PLXNA3: variants seen among roughly 807,000 people sequenced by gnomAD.
PLXNA3 encodes plexin-A3.
In PLXNA3, 52 loss-of-function variants were observed where a neutral mutation model predicts 118.8. The observed-to-expected ratio is 0.44, with a 90% confidence interval of 0.35 to 0.55. PLXNA3 has a LOEUF of 0.55. Ranked by LOEUF, PLXNA3 falls within the 20% of genes least tolerant of loss-of-function variation. The probability of loss-of-function intolerance (pLI) is 0.01; values close to 1 mark genes in which losing one functional copy is unlikely to be tolerated. For missense variants in PLXNA3, 1,660 were observed against 1,730.8 expected (o/e 0.96, Z 0.73); for synonymous variants, 925 against 762.4 (o/e 1.21, Z -3.51).
Position 154,460,431 on chromosome X carries a change from T to G in PLXNA3, c.248T>G (p.Met83Arg). 8.3e-7 allele frequency: 1 copy of G among 1,201,068 alleles called. No homozygotes were observed. Among genetic ancestry groups the G allele is most frequent in the Non-Finnish European group, 1.1e-6 (1 of 888,773 alleles). The change falls in exon 2 of 33, where the codon ATG becomes AGG. Residue 83 changes from methionine to arginine, a missense_variant. By Grantham distance (91) the Met-to-Arg change is moderately conservative (BLOSUM62 -1). This residue lies in a region of PLXNA3 where 791 missense variants were observed against 652.1 expected (regional missense o/e 1.21). Coordinates refer to ENST00000369682, the MANE Select transcript of PLXNA3 (RefSeq NM_017514.5). ...GCTCGCTGCTACCCGCCCCCCAGCA[T>G]GCGCGTGTGTGCCCACCGCCTGGCC... ...DNARCYPPPS[M>R]RVCAHRLAPV...
chrX:154,460,114 T>C, intron 1 of PLXNA3, 43 bp from the exon 2 acceptor site: 1 of 744,880 alleles, frequency 1.3e-6, no homozygotes, highest in East Asian at 3.2e-5. Flanking sequence ...CCCAGCCCTC[T>C]GTGGCTCGAG....
rs1557204266 is a variant in PLXNA3, at chrX:154,461,336, T to C, written c.832T>C (p.Phe278Leu). 7 of 1,211,593 alleles carry C rather than the reference T, an allele frequency of 5.8e-6. No individual in the cohort carries two copies. Among genetic ancestry groups the C allele is most frequent in the Non-Finnish European group, 7.8e-6 (7 of 895,467 alleles). The change falls in exon 3 of 33, where the codon TTC becomes CTC. Residue 278 changes from phenylalanine to leucine, a missense_variant. This residue lies in a region of PLXNA3 where 791 missense variants were observed against 652.1 expected (regional missense o/e 1.21). Coordinates refer to ENST00000369682, the MANE Select transcript of PLXNA3 (RefSeq NM_017514.5). The stretch of plus-strand genomic sequence containing the variant: ...CTCAGAGTTCTACTCATACGTGGAA[T>C]TCCCCATCGGCTGCTCCTGGCGCGG... ...GDSEFYSYVE[F>L]PIGCSWRGVE...
rs374238497 is a variant in PLXNA3, at chrX:154,468,074, C to A, written c.3821-8C>A. ...CCTGCCCACTCATTCCCTCTCTCCA[C>A]CCCCCAGCTTTTGCAGAGCTGCAGA... is the stretch of plus-strand genomic sequence containing the variant. On this transcript the variant is annotated splice_region_variant and splice_polypyrimidine_tract_variant and intron_variant, in intron 21 of 32. Coordinates refer to ENST00000369682, the MANE Select transcript of PLXNA3 (RefSeq NM_017514.5). The A allele has an allele frequency of 1.7e-6, 2 of 1,190,800 alleles. No homozygotes were observed. The highest frequency in any genetic ancestry group is 6.0e-5 in the East Asian group (2 of 33,584).
Position 154,472,815 on chromosome X carries a change from C to T in PLXNA3, c.*130C>T. 1 of 489,416 alleles carries T rather than the reference C, an allele frequency of 2.0e-6. No individual in the cohort carries two copies. Among genetic ancestry groups the T allele is most frequent in the Non-Finnish European group, 3.7e-6 (1 of 271,275 alleles). The allele number at this position is 489,416 out of a possible 1,213,427, so 40.3% of individuals were successfully genotyped here. A position where few individuals can be genotyped will look rare whatever the true frequency, so the allele number is the denominator to read the frequency against. On this transcript the variant is annotated 3_prime_UTR_variant, in exon 33 of 33. Coordinates refer to ENST00000369682, the MANE Select transcript of PLXNA3 (RefSeq NM_017514.5). ...GTATCGTGGGGCAGGTCACCCTGGC[C>T]ACGATGCCCCCGGCACACCCAGGCC...
chrX:154,461,263 G>A lies in PLXNA3; in HGVS notation c.759G>A (p.Ala253=), dbSNP rs782248664. The A allele has an allele frequency of 1.9e-5, 23 of 1,211,699 alleles. No individual in the cohort carries two copies. The Middle Eastern group carries it at 2.1e-3, about 108-fold the overall frequency. The part of the protein sequence containing the change: ...LDTQQTLLDT[A]GEKFFTSKIV... ...CCCAGCAGACGCTGTTGGACACAGC[G>A]GGCGAGAAATTTTTCACGTCCAAGA... The change falls in exon 3 of 33, where the codon GCG becomes GCA. Residue 253 remains alanine, a synonymous_variant. Transcript: ENST00000369682.
Position 154,477,670 on chromosome X carries a change from C to A in PLXNA3, c.*4985C>A. Reference sequence around the variant, plus strand: ...CATTTCCTAAATTGTCTTCAATTTCCTTGTACTCCTTGAATATCTGAATTC... The same window carrying A: ...CATTTCCTAAATTGTCTTCAATTTCATTGTACTCCTTGAATATCTGAATTC... On this transcript the variant is annotated 3_prime_UTR_variant, in exon 33 of 33. Transcript: ENST00000369682. The A allele has an allele frequency of 3.4e-6, 1 of 293,404 alleles. No homozygotes were observed. Among genetic ancestry groups the A allele is most frequent in the African/African-American group, 2.8e-5 (1 of 35,649 alleles). 24.2% of individuals were successfully genotyped at this position (293,404 alleles called of 1,213,427 possible). A position where few individuals can be genotyped will look rare whatever the true frequency, so the allele number is the denominator to read the frequency against.
Position 154,468,200 on chromosome X carries a change from C to T in PLXNA3, c.3939C>T (p.Ala1313=). 8.5e-7 allele frequency: 1 copy of T among 1,180,677 alleles called. No individual in the cohort carries two copies. The highest frequency in any genetic ancestry group is 1.9e-5 in the South Asian group (1 of 51,707). ...AVRVLFPGIE[A]HPVLKELDTP... is the part of the protein sequence containing the mutation. ...GCGTGCTCTTCCCGGGCATCGAGGC[C>T]CACCCGGTGCTCAAGGAGCTGGATG... Residue 1313 remains alanine (A), a synonymous_variant, in exon 22 of 33, where the codon GCC becomes GCT. Transcript: ENST00000369682.
intron 2 of PLXNA3, 125 bp downstream of exon 2, chrX:154,460,902 G>A: frequency 1.6e-6 from 1 of 639,916 alleles, no homozygotes; most frequent in Non-Finnish European, 2.3e-6. Context: ...GGTTGCGGAG[G>A]GTGGGATGAC....
chrX:154,460,397 G>C lies in PLXNA3; in HGVS notation c.214G>C (p.Glu72Gln). 6 of 1,207,110 alleles carry C rather than the reference G, an allele frequency of 5.0e-6. No homozygotes were observed. Among genetic ancestry groups the C allele is most frequent in the Non-Finnish European group, 6.7e-6 (6 of 892,910 alleles). Reference protein sequence around the residue: ...ELRAHVTGPVEDNARCYPPPS... With the variant: ...ELRAHVTGPVQDNARCYPPPS... ...GCGGGCCCATGTCACGGGGCCCGTCGAGGACAACGCTCGCTGCTACCCGCC... is the reference window on the plus strand; with the variant it reads ...GCGGGCCCATGTCACGGGGCCCGTCCAGGACAACGCTCGCTGCTACCCGCC... The change falls in exon 2 of 33, where the codon GAG (glutamate) becomes CAG (glutamine). Residue 72 changes from glutamate (E) to glutamine (Q), a missense_variant. Around this residue, in one of 2 missense-constraint regions of PLXNA3, gnomAD observed 791 missense variants for 652.1 expected, o/e 1.21. Transcript: ENST00000369682.
Position 154,471,542 on chromosome X carries a change from C to T in PLXNA3, c.5424C>T (p.Ala1808=), listed in dbSNP as rs782357776. 8.3e-7 allele frequency: 1 copy of T among 1,208,036 alleles called. No individual in the cohort carries two copies. Among genetic ancestry groups the T allele is most frequent in the African/African-American group, 1.7e-5 (1 of 57,485 alleles). Residue 1808 remains alanine, a synonymous_variant, in exon 32 of 33, where the codon GCC becomes GCT. Coordinates refer to ENST00000369682, the MANE Select transcript of PLXNA3 (RefSeq NM_017514.5). ...MASISDQDMD[A]YLVEQSRLHA... ...CCATCAGCGACCAGGACATGGATGC[C>T]TACCTGGTGGAGCAGTCCCGCCTCC... is the stretch of plus-strand genomic sequence containing the variant.
At chrX:154,461,054 G>C (rs2068945183) in intron 2 of PLXNA3, 45 bp from the exon 3 acceptor site, 1 of 1,087,078 alleles carries the variant, frequency 9.2e-7, no homozygotes, top group Admixed American at 2.4e-5. Flanking sequence ...CCGTGATGTT[G>C]GCACAGGGCC....
Position 154,460,484 on chromosome X carries a change from C to G in PLXNA3, c.301C>G (p.Leu101Val), listed in dbSNP as rs782007327. The G allele has an allele frequency of 5.8e-6, 7 of 1,208,405 alleles. No homozygotes were observed. The highest frequency in any genetic ancestry group is 6.7e-6 in the Non-Finnish European group (6 of 894,118). Residue 101 changes from leucine to valine, a missense_variant, in exon 2 of 33, where the codon CTC (leucine) becomes GTC (valine). Physicochemically the swap from Leu to Val is conservative, Grantham distance 32 (BLOSUM62 1). Around this residue, in one of 2 missense-constraint regions of PLXNA3, gnomAD observed 791 missense variants for 652.1 expected, o/e 1.21. Transcript: ENST00000369682. ...CGTGGACAACATCAACAAGCTGCTG[C>G]TCATAGACTATGCGGCCCGCCGCCT... ...APVDNINKLL[L>V]IDYAARRLVA...
Position 154,465,081 on chromosome X carries a change from A to AGAG in PLXNA3, c.2107_2108insGAG (p.Thr703delinsArgAla). 8.3e-7 allele frequency: 1 copy of AGAG among 1,209,496 alleles called. No homozygotes were observed. The highest frequency in any genetic ancestry group is 1.1e-6 in the Non-Finnish European group (1 of 894,680). On this transcript the variant is annotated protein_altering_variant, in exon 11 of 33. Coordinates refer to ENST00000369682, the MANE Select transcript of PLXNA3 (RefSeq NM_017514.5). ...CCCCGTTGGGGTCATGCAGCCTCTTACCTTGCGGGCTAAGAACCTACCTCA... is the reference window on the plus strand; with the variant it reads ...CCCCGTTGGGGTCATGCAGCCTCTTAGAGCCTTGCGGGCTAAGAACCTACCTCA...
rs1557203399 is a variant in PLXNA3, at chrX:154,460,442, G to A, written c.259G>A (p.Ala87Thr). The A allele has an allele frequency of 2.5e-6, 3 of 1,203,240 alleles. No individual in the cohort carries two copies. The highest frequency in any genetic ancestry group is 3.4e-6 in the Non-Finnish European group (3 of 890,219). ...CCCGCCCCCCAGCATGCGCGTGTGT[G>A]CCCACCGCCTGGCCCCCGTGGACAA... ...CYPPPSMRVC[A>T]HRLAPVDNIN... is the part of the protein sequence containing the mutation. The change falls in exon 2 of 33, where the codon GCC becomes ACC. Residue 87 changes from alanine to threonine, a missense_variant. This residue lies in a region of PLXNA3 where 791 missense variants were observed against 652.1 expected (regional missense o/e 1.21). Coordinates refer to ENST00000369682, the MANE Select transcript of PLXNA3 (RefSeq NM_017514.5).
At chrX:154,464,370 GC>G in intron 8 of PLXNA3, 31 bp from the exon 9 acceptor site, 1 of 1,203,287 alleles carries the variant, frequency 8.3e-7, no homozygotes, top group Non-Finnish European at 1.1e-6. Context: ...CCTACCCCCA[GC>G]GAGTTCACGG....
In PLXNA3 at chrX:154,472,581, C is replaced by T. The variant is rs781836558; in HGVS notation, c.5521-9C>T. 6 of 1,178,085 alleles carry T rather than the reference C, an allele frequency of 5.1e-6. No individual in the cohort carries two copies. The East Asian group carries it at 1.8e-4, about 35-fold the overall frequency. ...CAGAGCCCAGCTCCAGGGGACTCCT[C>T]TCCCCCAGATTCTCACGGCTCTGGA... is the stretch of plus-strand genomic sequence containing the variant. On this transcript the variant is annotated splice_polypyrimidine_tract_variant and intron_variant, in intron 32 of 32. Coordinates refer to ENST00000369682, the MANE Select transcript of PLXNA3 (RefSeq NM_017514.5).
At chrX:154,462,060 G>A in intron 3 of PLXNA3, 68 bp from the exon 4 acceptor site, 2 of 944,660 alleles carry the variant, frequency 2.1e-6, no homozygotes, top group Non-Finnish European at 2.9e-6. Context: ...CTGGGACACA[G>A]GAACTGCCGG....
intron 4 of PLXNA3, among the ~76,000 whole-genome samples, chrX:154,463,059 A>C (rs2069004152): frequency 9.0e-6 from 1 of 110,777 alleles, no homozygotes; most frequent in South Asian, 3.8e-4. Flanking sequence ...ACCCATTTTA[A>C]AGTGCACAGT....
chrX:154,465,510 C>T lies in PLXNA3; in HGVS notation c.2331C>T (p.Pro777=), dbSNP rs781810524. ...WDGDFPIDKP[P]SFRALLYKCW... ...GAGACTTCCCCATAGACAAGCCTCCCAGCTTCCGAGGTGAAGGCATGGGCC... is the reference window on the plus strand; with the variant it reads ...GAGACTTCCCCATAGACAAGCCTCCTAGCTTCCGAGGTGAAGGCATGGGCC... The change falls in exon 12 of 33, where the codon CCC becomes CCT. Residue 777 remains proline (P), a synonymous_variant. Coordinates refer to ENST00000369682, the MANE Select transcript of PLXNA3 (RefSeq NM_017514.5). The T allele has an allele frequency of 5.0e-6, 6 of 1,202,869 alleles. No homozygotes were observed. The highest frequency in any genetic ancestry group is 3.5e-5 in the African/African-American group (2 of 57,092).
Sources: allele counts gnomAD v4.1 joint callset (sites outside exome capture counted in the v4.1 genomes callset), GRCh38; gene constraint gnomAD v4.1.1; regional missense constraint gnomAD v4.1.1; transcripts MANE v1.5; gene names NCBI Gene and HGNC (gene_info 2026-07-23, HGNC 2026-07-21).